Variants in ERCC6 observed in about 807,000 individuals in gnomAD.
The protein encoded by ERCC6 is ERCC excision repair 6, chromatin remodeling factor, also known as DNA excision repair protein ERCC-6.
Under a neutral mutation model 158.7 loss-of-function variants are expected in ERCC6, and 116 were observed. The ratio of observed to expected loss-of-function variants is 0.73; its 90% CI spans 0.63 to 0.85. The LOEUF (loss-of-function observed/expected upper bound fraction) is 0.85. ERCC6 is among the 40% of genes least tolerant of loss of function. The pLI is 0.00. For missense variants in ERCC6, 1,698 were observed against 1,799.4 expected (o/e 0.94, Z 1.02); for synonymous variants, 678 against 659.3 (o/e 1.03, Z -0.43).
intron 8 of ERCC6, among the ~76,000 whole-genome samples, chr10:49,492,261 T>C (rs554628599): frequency 6.6e-6 from 1 of 152,284 alleles, no homozygotes; most frequent in South Asian, 2.1e-4. Flanking sequence ...TCCATAGCCC[T>C]TGCAGCCGGC....
rs1837326508 is a variant in ERCC6 at position 49,526,117 on chromosome 10, T to TA, written c.653-1341_653-1340insT. ...TATATATTTATATATTTATATATTT[T>TA]TATATATATATATATATATATATAT... On this transcript the variant is annotated intron_variant, in intron 4 of 20. Transcript: ENST00000355832. Among the ~76,000 whole-genome samples, 250 of 43,308 alleles carry TA rather than the reference T, an allele frequency of 5.8e-3. 1 individual carries two copies. The highest frequency in any genetic ancestry group is 0.014 in the Middle Eastern group (1 of 72). The allele number at this position is 43,308 out of a possible 152,430, so 28.4% of individuals were successfully genotyped here. A position where few individuals can be genotyped will look rare whatever the true frequency, so the allele number is the denominator to read the frequency against.
chr10:49,481,873 T>C (rs542157937), intron 10 of ERCC6, among the ~76,000 whole-genome samples: 1 of 152,242 alleles, frequency 6.6e-6, no homozygotes, highest in South Asian at 2.1e-4. Flanking sequence ...CAGGTCCAGG[T>C]CCTCATGGCC....
chr10:49,460,206 T>G, intron 20 of ERCC6, 167 bp downstream of exon 20: 4 of 665,498 alleles, frequency 6.0e-6, no homozygotes, highest in Non-Finnish European at 5.4e-6. Flanking sequence ...AGCAGGTCCT[T>G]TTAGATTCAA....
chr10:49,493,883 G>C (rs925589056), intron 7 of ERCC6, among the ~76,000 whole-genome samples: 1 of 152,186 alleles, frequency 6.6e-6, no homozygotes, highest in Non-Finnish European at 1.5e-5. Flanking sequence ...AGGAGCATCC[G>C]AGCGAGTGTT....
chr10:49,463,890 T>C lies in ERCC6; in HGVS notation c.3779-2334A>G, dbSNP rs533142472. On this transcript the variant is annotated intron_variant, in intron 18 of 20. Transcript: ENST00000355832. ...CAGAACTGTAAGTTGATTAAACCTC[T>C]TTCTTTTGTAAATTGCCCAGTCTTG... Among the ~76,000 whole-genome samples the C allele has an allele frequency of 2.0e-5, 3 of 152,216 alleles. No individual in the cohort carries two copies. In the East Asian group the frequency reaches 5.8e-4, roughly 29 times the overall value.
chr10:49,537,896 G>C (rs1248262547), intron 1 of ERCC6, among the ~76,000 whole-genome samples: 1 of 152,052 alleles, frequency 6.6e-6, no homozygotes, highest in Non-Finnish European at 1.5e-5. Context: ...CTAATTTTTC[G>C]TATTTAGTAA....
chr10:49,524,017 A>G lies in ERCC6; in HGVS notation c.1397+16T>C, dbSNP rs1407738586. Reference sequence around the variant, plus strand: ...AAGCAAACAGTACAATGTATTTATAATCCCCACAGACCGACCTTAACCGCT... The same window carrying G: ...AAGCAAACAGTACAATGTATTTATAGTCCCCACAGACCGACCTTAACCGCT... On this transcript the variant is annotated intron_variant, in intron 5 of 20. Coordinates refer to ENST00000355832, the MANE Select transcript of ERCC6 (RefSeq NM_000124.4). 1.2e-6 allele frequency: 2 copies of G among 1,612,228 alleles called. No individual in the cohort carries two copies. Among genetic ancestry groups the G allele is most frequent in the Admixed American group, 3.3e-5 (2 of 59,954 alleles).
chr10:49,472,649 C>T, intron 15 of ERCC6, 179 bp from the exon 16 acceptor site: 1 of 744,356 alleles, frequency 1.3e-6, no homozygotes, highest in Admixed American at 2.4e-5. Flanking sequence ...AAAGACATCT[C>T]TACTTGAAAA....
rs11101143 is a variant in ERCC6 at position 49,515,779 on chromosome 10, G to C, written c.1397+8254C>G. 1,057 of 1,614,134 alleles carry C rather than the reference G, an allele frequency of 6.5e-4. 5 individuals are homozygous for C. The African/African-American group carries it at 0.012, about 18-fold the overall frequency. The stretch of plus-strand genomic sequence containing the variant: ...TTGATCATGTTTGGCTGCTGAACTT[G>C]TATCTTCTTTTTCAGTTTCTGGGAG... On this transcript the variant is annotated intron_variant, in intron 5 of 20. Coordinates refer to ENST00000355832, the MANE Select transcript of ERCC6 (RefSeq NM_000124.4).
At position 49,457,589 on chromosome 10, in the gene ERCC6, G is replaced by A. The variant is rs1253984957; in HGVS notation, c.*1226C>T. The A allele has an allele frequency of 6.6e-6, 1 of 152,190 alleles. No individual in the cohort carries two copies. Among genetic ancestry groups the A allele is most frequent in the African/African-American group, 2.4e-5 (1 of 41,422 alleles). 9.4% of individuals were successfully genotyped at this position (152,190 alleles called of 1,614,324 possible). A position where few individuals can be genotyped will look rare whatever the true frequency, so the allele number is the denominator to read the frequency against. ...TGAGAGAGATGTAAAGAAATAGCAG[G>A]GTAGGAGGGCAGGCATACTACAGAA... is the stretch of plus-strand genomic sequence containing the variant. On this transcript the variant is annotated 3_prime_UTR_variant, in exon 21 of 21. Transcript: ENST00000355832.
intron 5 of ERCC6, chr10:49,516,575 G>T (rs1836972692): frequency 6.2e-7 from 1 of 1,613,908 alleles, no homozygotes; most frequent in Non-Finnish European, 8.5e-7. Flanking sequence ...GAAAACATTT[G>T]AATTCAGAGC....
intron 1 of ERCC6, among the ~76,000 whole-genome samples, chr10:49,534,133 C>CAAAAAAAAAAAAAA (rs746772551): frequency 3.2e-4 from 19 of 60,262 alleles, no homozygotes; most frequent in East Asian, 9.5e-4. Context: ...GACTCAATCT[C>CAAAAAAAAAAAAAA]AAAAAAAAAA....
intron 6 of ERCC6, chr10:49,502,671 G>C (rs1851374994): frequency 6.6e-6 from 1 of 152,174 alleles, no homozygotes; most frequent in African/African-American, 2.4e-5. Flanking sequence ...AAATGATCTA[G>C]ACCAATAGTT....
intron 4 of ERCC6, among the ~76,000 whole-genome samples, chr10:49,526,109 ATATATTTT>A (rs1201685808): frequency 9.2e-4 from 60 of 65,510 alleles, no homozygotes; most frequent in South Asian, 2.8e-3. Context: ...TTATATATTT[ATATATTTT>A]TATATATATA....
At chr10:49,473,433 G>T (rs199528821) in intron 14 of ERCC6, 44 bp downstream of exon 14, 2 of 1,241,680 alleles carry the variant, frequency 1.6e-6, no homozygotes, top group South Asian at 1.2e-5. Flanking sequence ...TTCCCTCCAC[G>T]TACAGCAGCA....
chr10:49,530,418 T>A (rs1453181173), intron 3 of ERCC6, among the ~76,000 whole-genome samples: 1 of 152,212 alleles, frequency 6.6e-6, no homozygotes, highest in African/African-American at 2.4e-5. Flanking sequence ...CATTTTTGAC[T>A]AACAATATTT....
intron 11 of ERCC6, among the ~76,000 whole-genome samples, chr10:49,477,724 GA>G (rs1268877887): frequency 6.6e-6 from 1 of 152,112 alleles, no homozygotes; most frequent in Non-Finnish European, 1.5e-5. Flanking sequence ...TGCTGTCTAT[GA>G]AGGCCCCAAA....
In ERCC6 at chr10:49,472,944, A is replaced by T; in HGVS notation, c.2794T>A (p.Tyr932Asn). ...GTGCTTGGGTTCCAGTCTGGGTCAT[A>T]GATGACAACTCTGTTTGCCCCCGTC... ...NLTGANRVVI[Y>N]DPDWNPSTDT... Residue 932 changes from tyrosine to asparagine, a missense_variant, in exon 15 of 21, where the codon TAT becomes AAT. By Grantham distance (143) the Tyr-to-Asn change is moderately radical. Coordinates refer to ENST00000355832, the MANE Select transcript of ERCC6 (RefSeq NM_000124.4). 1.2e-6 allele frequency: 2 copies of T among 1,614,130 alleles called. No individual in the cohort carries two copies. The highest frequency in any genetic ancestry group is 1.7e-6 in the Non-Finnish European group (2 of 1,179,998).
intron 5 of ERCC6, chr10:49,516,485 A>C: frequency 6.2e-7 from 1 of 1,614,216 alleles, no homozygotes; most frequent in East Asian, 2.2e-5. Context: ...TAACCAGTAC[A>C]TTATGCACAT....
Sources: gnomAD v4.1 joint callset for allele counts (sites outside exome capture counted in the v4.1 genomes callset) on GRCh38, gnomAD v4.1.1 for gene constraint, MANE v1.5 for transcripts, NCBI Gene and HGNC (gene_info 2026-07-23, HGNC 2026-07-21) for gene names.